Variants in ABCA8 observed in about 807,000 individuals in gnomAD.
ABCA8 encodes the protein ATP binding cassette subfamily A member 8, also known as ABC-type organic anion transporter ABCA8.
A neutral mutation model predicts 192.3 loss-of-function variants in ABCA8; 177 were observed. That is an observed-to-expected ratio of 0.92 (90% CI 0.81 to 1.04). The LOEUF is 1.04. ABCA8 is among the 50% of genes least tolerant of loss of function. The pLI, the probability that ABCA8 is intolerant of heterozygous loss-of-function variation, is 0.00. For synonymous variants in ABCA8, 642 were observed against 690.2 expected (o/e 0.93, Z 1.09); for missense variants, 1,915 against 1,904.8 (o/e 1.01, Z -0.10).
intron 37 of ABCA8, among the ~76,000 whole-genome samples, chr17:68,873,383 G>A (rs951136733): frequency 7.2e-5 from 11 of 152,132 alleles, no homozygotes; most frequent in Non-Finnish European, 1.0e-4. Flanking sequence ...TGATGAAATT[G>A]CTTAACGACC....
At chr17:68,922,878 C>A (rs891376206) in intron 11 of ABCA8, among the ~76,000 whole-genome samples, 9 of 152,168 alleles carry the variant, frequency 5.9e-5, no homozygotes, top group African/African-American at 9.7e-5. Flanking sequence ...AGATCAGCTT[C>A]AGGTTTCACA....
intron 17 of ABCA8, among the ~76,000 whole-genome samples, chr17:68,913,658 C>T (rs980911883): frequency 2.0e-5 from 3 of 152,132 alleles, no homozygotes; most frequent in Admixed American, 6.5e-5. Context: ...TTCCTAGACA[C>T]GTACAATCTA....
intron 1 of ABCA8, among the ~76,000 whole-genome samples, chr17:68,950,429 T>C (rs571768826): frequency 1.3e-5 from 2 of 152,334 alleles, no homozygotes; most frequent in African/African-American, 4.8e-5. Flanking sequence ...TCCTGCTACC[T>C]GGCTTCAAAC....
rs767854063 is a variant in ABCA8, at chr17:68,940,769, G to A, written c.290C>T (p.Pro97Leu). The A allele has an allele frequency of 4.3e-5, 69 of 1,613,004 alleles. No individual in the cohort carries two copies. Among genetic ancestry groups the A allele is most frequent in the Non-Finnish European group, 5.7e-5 (67 of 1,179,154 alleles). Residue 97 changes from proline to leucine, a missense_variant, in exon 4 of 40, where the codon CCC becomes CTC. Coordinates refer to ENST00000586539, the MANE Select transcript of ABCA8 (RefSeq NM_001288985.2). Reference sequence around the variant, plus strand: ...ACTAGAAAACTTACCTGCCAGGAAGGGAGTAGAGGCTACTTTATTCATTAT... The same window carrying A: ...ACTAGAAAACTTACCTGCCAGGAAGAGAGTAGAGGCTACTTTATTCATTAT... ...QQIMNKVAST[P>L]FLAGKEVLGL... is the part of the protein sequence containing the mutation.
intron 2 of ABCA8, among the ~76,000 whole-genome samples, chr17:68,948,365 G>T (rs2068474408): frequency 6.6e-6 from 1 of 152,150 alleles, no homozygotes; most frequent in Non-Finnish European, 1.5e-5. Context: ...CCCACTAACA[G>T]TATAAAAGTG....
At chr17:68,947,620 G>T (rs532458935) in intron 2 of ABCA8, among the ~76,000 whole-genome samples, 1 of 152,162 alleles carries the variant, frequency 6.6e-6, no homozygotes, top group Admixed American at 6.5e-5. Flanking sequence ...GTTAACGAAG[G>T]TTCAATTAAT....
At chr17:68,898,012 G>A (rs759695605) in intron 21 of ABCA8, among the ~76,000 whole-genome samples, 7 of 152,074 alleles carry the variant, frequency 4.6e-5, no homozygotes, top group South Asian at 2.1e-4. Flanking sequence ...CCAACTCCAC[G>A]TGGGATGTAT....
intron 21 of ABCA8, among the ~76,000 whole-genome samples, chr17:68,901,092 T>C (rs141188298): frequency 6.6e-6 from 1 of 152,340 alleles, no homozygotes; most frequent in Non-Finnish European, 1.5e-5. Flanking sequence ...TTGTTCAATC[T>C]CAGTTGAAAA....
chr17:68,891,462 A>G, intron 24 of ABCA8, 27 bp downstream of exon 24: 1 of 1,506,108 alleles, frequency 6.6e-7, no homozygotes, highest in Non-Finnish European at 9.2e-7. Context: ...ATGCAAAATA[A>G]TGGAAGTTGC....
At chr17:68,910,457 T>C (rs1598243140) in intron 17 of ABCA8, among the ~76,000 whole-genome samples, 1 of 152,140 alleles carries the variant, frequency 6.6e-6, no homozygotes, top group Non-Finnish European at 1.5e-5. Context: ...GGGGAAGCAT[T>C]CATCCCACTA....
chr17:68,872,745 C>T (rs1189517624), intron 37 of ABCA8, among the ~76,000 whole-genome samples: 3 of 151,780 alleles, frequency 2.0e-5, no homozygotes, highest in Non-Finnish European at 2.9e-5. Flanking sequence ...CTGTGTAGGC[C>T]TCAGCTAATG....
chr17:68,909,162 T>A (rs1038094124), intron 17 of ABCA8, among the ~76,000 whole-genome samples: 1 of 152,182 alleles, frequency 6.6e-6, no homozygotes, highest in African/African-American at 2.4e-5. Context: ...TGGGGCGGAA[T>A]GAATGAGTCA....
chr17:68,932,082 C>A (rs1254721072), intron 7 of ABCA8: 1 of 404,610 alleles, frequency 2.5e-6, no homozygotes, highest in East Asian at 3.9e-5. Flanking sequence ...TGGTGGTCGG[C>A]ACCTGCAGTC....
chr17:68,907,654 T>C (rs2067107754), intron 18 of ABCA8, 86 bp downstream of exon 18: 3 of 1,224,638 alleles, frequency 2.4e-6, no homozygotes, highest in Non-Finnish European at 3.3e-6. Context: ...TGTAAGACAT[T>C]GATAAATGTT....
intron 23 of ABCA8, among the ~76,000 whole-genome samples, chr17:68,893,321 T>G (rs1008525833): frequency 6.6e-6 from 1 of 152,194 alleles, no homozygotes; most frequent in Non-Finnish European, 1.5e-5. Flanking sequence ...GTTATTCTGG[T>G]TCTAAACTTA....
chr17:68,907,401 A>C (rs143162319), intron 18 of ABCA8, among the ~76,000 whole-genome samples: 79 of 152,236 alleles, frequency 5.2e-4, no homozygotes, highest in African/African-American at 1.9e-3. Flanking sequence ...ACAGATAGCC[A>C]CATCACAGGG....
Position 68,895,020 on chromosome 17 carries a change from T to C in ABCA8, c.2765-7A>G. The C allele has an allele frequency of 6.3e-7, 1 of 1,590,410 alleles. No homozygotes were observed. Among genetic ancestry groups the C allele is most frequent in the Non-Finnish European group, 8.5e-7 (1 of 1,170,726 alleles). ...AAGTCATCAATGCTTGCCCCTAAGG[T>C]GTAGTTAAAGATATTAGGTATCACA... is the stretch of plus-strand genomic sequence containing the variant. On this transcript the variant is annotated splice_region_variant and splice_polypyrimidine_tract_variant and intron_variant, in intron 21 of 39. Coordinates refer to ENST00000586539, the MANE Select transcript of ABCA8 (RefSeq NM_001288985.2).
In ABCA8 at chr17:68,868,105, G is replaced by A; in HGVS notation, c.4846C>T (p.Leu1616Phe). Reference protein sequence around the residue: ...DFDPSVKWKLLPQEEP With the variant: ...DFDPSVKWKLFPQEEP ...GGGTTTTAAGGCTCTTCCTGGGGGA[G>A]GAGCTTCCACTTCACTGAGGGATCA... The change falls in exon 40 of 40, where the codon CTC becomes TTC. Residue 1616 changes from leucine (L) to phenylalanine (F), a missense_variant. Coordinates refer to ENST00000586539, the MANE Select transcript of ABCA8 (RefSeq NM_001288985.2). 1 of 1,612,436 alleles carries A rather than the reference G, an allele frequency of 6.2e-7. No homozygotes were observed. The highest frequency in any genetic ancestry group is 1.3e-5 in the African/African-American group (1 of 74,952).
intron 21 of ABCA8, among the ~76,000 whole-genome samples, chr17:68,900,330 G>T (rs2066873473): frequency 6.6e-6 from 1 of 151,948 alleles, no homozygotes; most frequent in African/African-American, 2.4e-5. Context: ...CAACAAATTA[G>T]ATAATATAGT....
Sources: gnomAD v4.1 joint callset for allele counts (sites outside exome capture counted in the v4.1 genomes callset) on GRCh38, gnomAD v4.1.1 for gene constraint, MANE v1.5 for transcripts, NCBI Gene and HGNC (gene_info 2026-07-23, HGNC 2026-07-21) for gene names.